Variants in ATP8A2 observed in about 807,000 individuals in gnomAD.
ATP8A2 encodes phospholipid-transporting ATPase IB.
A neutral mutation model predicts 165.6 loss-of-function variants in ATP8A2; 100 were observed. That is an observed-to-expected ratio of 0.60 (90% confidence interval 0.51 to 0.71). The LOEUF is 0.71. Ranked by LOEUF, ATP8A2 falls within the 30% of genes least tolerant of loss-of-function variation. ATP8A2 has a pLI of 0.00. For missense variants in ATP8A2, 1,227 were observed against 1,479.5 expected (o/e 0.83, Z 2.80); for synonymous variants, 543 against 548.8 (o/e 0.99, Z 0.15).
intron 33 of ATP8A2, among the ~76,000 whole-genome samples, chr13:25,901,019 G>A (rs145473225): frequency 3.2e-4 from 49 of 152,324 alleles, no homozygotes; most frequent in Non-Finnish European, 4.9e-4. Flanking sequence ...GCCAATGGGC[G>A]GTGTAATTAG....
intron 29 of ATP8A2, among the ~76,000 whole-genome samples, 163 bp downstream of exon 29, chr13:25,837,448 C>T (rs940468753): frequency 6.6e-6 from 1 of 151,466 alleles, no homozygotes; most frequent in Non-Finnish European, 1.5e-5. Flanking sequence ...CACACACACA[C>T]ACACACACAC....
At chr13:25,947,673 G>A (rs1034738639) in intron 33 of ATP8A2, among the ~76,000 whole-genome samples, 1 of 152,166 alleles carries the variant, frequency 6.6e-6, no homozygotes, top group Non-Finnish European at 1.5e-5. Flanking sequence ...CCATCCCTGT[G>A]GAAGCAGCTG....
chr13:25,943,383 GA>G (rs1379051415), intron 33 of ATP8A2, among the ~76,000 whole-genome samples: 1 of 152,128 alleles, frequency 6.6e-6, no homozygotes, highest in African/African-American at 2.4e-5. Flanking sequence ...CCCCTAAGAT[GA>G]TAATGCCATA....
At chr13:25,989,942 A>G (rs1157348832) in intron 35 of ATP8A2, among the ~76,000 whole-genome samples, 3 of 152,218 alleles carry the variant, frequency 2.0e-5, no homozygotes, top group African/African-American at 7.2e-5. Context: ...TAGCCTTGGT[A>G]ATCCTTTGGC....
intron 30 of ATP8A2, among the ~76,000 whole-genome samples, chr13:25,851,991 C>T (rs1361527368): frequency 6.6e-6 from 1 of 152,182 alleles, no homozygotes; most frequent in Non-Finnish European, 1.5e-5. Context: ...AACAGGCACA[C>T]ACCACCATGC....
intron 27 of ATP8A2, among the ~76,000 whole-genome samples, chr13:25,806,808 T>C (rs1330936633): frequency 2.0e-5 from 3 of 152,226 alleles, no homozygotes; most frequent in Non-Finnish European, 2.9e-5. Flanking sequence ...ATGTGCTAGG[T>C]TCCAGTTTCT....
chr13:25,759,985 T>C (rs994537908), intron 25 of ATP8A2, among the ~76,000 whole-genome samples: 2 of 152,176 alleles, frequency 1.3e-5, no homozygotes, highest in African/African-American at 2.4e-5. Flanking sequence ...TACCGATGCA[T>C]AAATTCTGAA....
At chr13:25,677,124 T>A (rs929127838) in intron 24 of ATP8A2, among the ~76,000 whole-genome samples, 1 of 152,206 alleles carries the variant, frequency 6.6e-6, no homozygotes, top group African/African-American at 2.4e-5. Context: ...AAAACTCTTC[T>A]ATTGTGGCAT....
chr13:25,533,131 G>T (rs2038168831), intron 5 of ATP8A2, 142 bp from the exon 6 acceptor site: 1 of 634,172 alleles, frequency 1.6e-6, no homozygotes, highest in East Asian at 2.8e-5. Context: ...GAGGGTGGGG[G>T]TGCTGATGTT....
At chr13:25,891,859 T>A (rs1953373653) in intron 33 of ATP8A2, among the ~76,000 whole-genome samples, 2 of 152,112 alleles carry the variant, frequency 1.3e-5, no homozygotes, top group South Asian at 4.1e-4. Flanking sequence ...TTTAAAAAAA[T>A]ATTGCAAGGT....
At chr13:25,744,321 C>T (rs2043980550) in intron 25 of ATP8A2, among the ~76,000 whole-genome samples, 1 of 151,386 alleles carries the variant, frequency 6.6e-6, no homozygotes, top group Admixed American at 6.6e-5. Context: ...CTGGCTCACT[C>T]ACCACCCCCC....
intron 27 of ATP8A2, among the ~76,000 whole-genome samples, chr13:25,796,423 C>T (rs1052880850): frequency 6.6e-6 from 1 of 152,140 alleles, no homozygotes; most frequent in Non-Finnish European, 1.5e-5. Context: ...ACATTTGGGA[C>T]CCTCTCTTCA....
chr13:25,633,525 T>C (rs2041298021), intron 24 of ATP8A2, among the ~76,000 whole-genome samples: 1 of 152,174 alleles, frequency 6.6e-6, no homozygotes, highest in Non-Finnish European at 1.5e-5. Context: ...AAAATTAATT[T>C]AGAGTTTCTT....
At chr13:25,916,591 A>C (rs1373988017) in intron 33 of ATP8A2, among the ~76,000 whole-genome samples, 1 of 152,184 alleles carries the variant, frequency 6.6e-6, no homozygotes, top group Non-Finnish European at 1.5e-5. Context: ...CATGGGATCC[A>C]ATGTTTGATG....
chr13:25,570,101 C>G (rs1216308547), intron 16 of ATP8A2, among the ~76,000 whole-genome samples: 1 of 152,048 alleles, frequency 6.6e-6, no homozygotes, highest in Admixed American at 6.6e-5. Context: ...AAATACATAT[C>G]CAGGGCAATT....
intron 30 of ATP8A2, among the ~76,000 whole-genome samples, chr13:25,855,964 A>G (rs954744030): frequency 6.6e-6 from 1 of 152,174 alleles, no homozygotes; most frequent in African/African-American, 2.4e-5. Flanking sequence ...AAAACTGTCT[A>G]TTCAGATCCT....
intron 4 of ATP8A2, among the ~76,000 whole-genome samples, chr13:25,532,049 C>T (rs1239653594): frequency 6.6e-6 from 1 of 152,122 alleles, no homozygotes; most frequent in Non-Finnish European, 1.5e-5. Context: ...TTTGTACTTC[C>T]AAGTGCTAGA....
At chr13:25,483,699 G>T (rs1420307309) in intron 2 of ATP8A2, among the ~76,000 whole-genome samples, 1 of 152,134 alleles carries the variant, frequency 6.6e-6, no homozygotes, top group African/African-American at 2.4e-5. Flanking sequence ...CTAGGAGTTT[G>T]ACACCAGCCT....
intron 24 of ATP8A2, among the ~76,000 whole-genome samples, chr13:25,651,412 C>T (rs1005862749): frequency 4.6e-5 from 7 of 151,742 alleles, no homozygotes; most frequent in East Asian, 1.9e-4. Flanking sequence ...CACTGCACTC[C>T]AGCCTGGCGG....
Sources: allele counts gnomAD v4.1 joint callset (sites outside exome capture counted in the v4.1 genomes callset), GRCh38; gene constraint gnomAD v4.1.1; transcripts MANE v1.5; gene names NCBI Gene and HGNC (gene_info 2026-07-23, HGNC 2026-07-21).